The following RAPGEF4 variants were observed in gnomAD, a reference collection of about 807,000 sequenced individuals.
RAPGEF4 encodes the protein RAP guanine-nucleotide-exchange factor (GEF) 4.
RAPGEF4 carries 66 observed loss-of-function variants against 147.9 expected under a neutral mutation model. The ratio of observed to expected loss-of-function variants is 0.45; its 90% CI spans 0.37 to 0.55. RAPGEF4 has a LOEUF of 0.55. Ranked by LOEUF, RAPGEF4 falls within the 20% of genes least tolerant of loss-of-function variation. The probability of loss-of-function intolerance (pLI) is 0.00; values close to 1 mark genes in which losing one functional copy is unlikely to be tolerated. For synonymous variants in RAPGEF4, 419 were observed against 442.7 expected (o/e 0.95, Z 0.67); for missense variants, 1,071 against 1,257.3 (o/e 0.85, Z 2.24).
chr2:173,050,790 C>T (rs1686135282), intron 30 of RAPGEF4, among the ~76,000 whole-genome samples: 1 of 145,384 alleles, frequency 6.9e-6, no homozygotes, highest in Non-Finnish European at 1.5e-5. Context: ...GATCTGGCAA[C>T]TCTAGGCACA....
intron 6 of RAPGEF4, among the ~76,000 whole-genome samples, chr2:172,932,102 A>T (rs1244679236): frequency 6.6e-6 from 1 of 151,524 alleles, no homozygotes; most frequent in African/African-American, 2.4e-5. Context: ...TCTGGTGGTC[A>T]TTCCGGTGTT....
intron 1 of RAPGEF4, among the ~76,000 whole-genome samples, chr2:172,755,956 T>G (rs996386155): frequency 6.6e-6 from 1 of 152,346 alleles, no homozygotes; most frequent in African/African-American, 2.4e-5. Context: ...ACTACCACCA[T>G]ACTCAAGATG....
At chr2:172,794,556 C>G (rs1473308072) in intron 1 of RAPGEF4, among the ~76,000 whole-genome samples, 1 of 152,122 alleles carries the variant, frequency 6.6e-6, no homozygotes, top group African/African-American at 2.4e-5. Flanking sequence ...GGAGAATCAC[C>G]AACACTGAGG....
intron 23 of RAPGEF4, among the ~76,000 whole-genome samples, chr2:173,025,084 T>G (rs1696533463): frequency 6.6e-6 from 1 of 152,242 alleles, no homozygotes; most frequent in Admixed American, 6.5e-5. Flanking sequence ...AAAAATTCAT[T>G]CATGTTCCCC....
chr2:172,925,777 AAG>A (rs67773579), intron 6 of RAPGEF4, among the ~76,000 whole-genome samples: 63,610 of 133,340 alleles, frequency 0.48, 15,450 homozygotes, highest in East Asian at 0.61. Context: ...GAAAGAAAGA[AAG>A]AGAGAGAGAG....
chr2:172,813,635 C>T (rs1688226011), intron 3 of RAPGEF4, among the ~76,000 whole-genome samples: 1 of 151,928 alleles, frequency 6.6e-6, no homozygotes, highest in South Asian at 2.1e-4. Context: ...CTTGTCAAGA[C>T]AGACAGTGCC....
At chr2:172,873,951 T>C (rs1695550951) in intron 4 of RAPGEF4, among the ~76,000 whole-genome samples, 1 of 152,072 alleles carries the variant, frequency 6.6e-6, no homozygotes, top group Non-Finnish European at 1.5e-5. Flanking sequence ...GAAAAAAAGC[T>C]CATCACCACT....
chr2:173,003,995 C>A (rs1006098551), intron 17 of RAPGEF4, among the ~76,000 whole-genome samples: 1 of 152,156 alleles, frequency 6.6e-6, no homozygotes, highest in African/African-American at 2.4e-5. Flanking sequence ...CTTTTCATAG[C>A]AGCCCTATGA....
chr2:173,027,058 A>T, intron 24 of RAPGEF4, 23 bp from the exon 25 acceptor site: 1 of 1,559,520 alleles, frequency 6.4e-7, no homozygotes, highest in Non-Finnish European at 8.6e-7. Context: ...AAATAAGCAA[A>T]ATTGTTTTCC....
At chr2:173,043,389 G>A (rs957111217) in intron 29 of RAPGEF4, among the ~76,000 whole-genome samples, 4 of 152,290 alleles carry the variant, frequency 2.6e-5, no homozygotes, top group South Asian at 2.1e-4. Context: ...GTGAGGAGCC[G>A]CTTCCTGAGG....
intron 4 of RAPGEF4, among the ~76,000 whole-genome samples, chr2:172,854,524 T>A (rs184338834): frequency 6.0e-4 from 92 of 152,248 alleles, no homozygotes; most frequent in Non-Finnish European, 7.4e-5. Context: ...TTATCCATTC[T>A]GACAATTTCT....
intron 22 of RAPGEF4, among the ~76,000 whole-genome samples, chr2:173,019,702 A>AG (rs759467683): frequency 2.6e-5 from 4 of 152,198 alleles, no homozygotes; most frequent in Admixed American, 2.0e-4. Context: ...CAGTTGCACA[A>AG]GGCCCAGGAT....
chr2:172,762,033 A>C (rs1478198118), intron 1 of RAPGEF4, among the ~76,000 whole-genome samples: 1 of 152,136 alleles, frequency 6.6e-6, no homozygotes, highest in Non-Finnish European at 1.5e-5. Flanking sequence ...GAGGCAGGAG[A>C]ATTGCTTGAA....
At chr2:172,802,699 C>T (rs920325679) in intron 3 of RAPGEF4, among the ~76,000 whole-genome samples, 2 of 152,222 alleles carry the variant, frequency 1.3e-5, no homozygotes, top group Non-Finnish European at 2.9e-5. Flanking sequence ...TCAGCATCAA[C>T]TCAAAAGTCC....
At chr2:172,807,022 C>T (rs1687564193) in intron 3 of RAPGEF4, among the ~76,000 whole-genome samples, 1 of 152,194 alleles carries the variant, frequency 6.6e-6, no homozygotes, top group Admixed American at 6.5e-5. Context: ...AAACAGAGAA[C>T]ACTGCCATCA....
At chr2:172,815,209 C>T (rs751795921) in intron 4 of RAPGEF4, among the ~76,000 whole-genome samples, 4 of 152,224 alleles carry the variant, frequency 2.6e-5, no homozygotes, top group African/African-American at 4.8e-5. Context: ...CTGCAGGCTT[C>T]GCCACTGGTC....
intron 15 of RAPGEF4, among the ~76,000 whole-genome samples, chr2:172,992,143 A>G (rs1692898694): frequency 6.6e-6 from 1 of 152,238 alleles, no homozygotes; most frequent in South Asian, 2.1e-4. Context: ...AACACTGTTT[A>G]GTAAATATTG....
intron 10 of RAPGEF4, among the ~76,000 whole-genome samples, chr2:172,976,035 G>A (rs1247885803): frequency 6.6e-6 from 1 of 152,182 alleles, no homozygotes; most frequent in East Asian, 1.9e-4. Flanking sequence ...GTCCTGACAG[G>A]GATGACTTCA....
intron 6 of RAPGEF4, among the ~76,000 whole-genome samples, chr2:172,946,128 A>T (rs1687655457): frequency 6.6e-6 from 1 of 152,246 alleles, no homozygotes; most frequent in Non-Finnish European, 1.5e-5. Flanking sequence ...AGGAATTTTG[A>T]TGGTTACAAA....
Sources: allele counts gnomAD v4.1 joint callset (sites outside exome capture counted in the v4.1 genomes callset), GRCh38; gene constraint gnomAD v4.1.1; transcripts MANE v1.5; gene names NCBI Gene and HGNC (gene_info 2026-07-23, HGNC 2026-07-21).